RGS17: variants seen among roughly 807,000 people sequenced by gnomAD.
RGS17 encodes regulator of G protein signaling 17, also known as regulator of G-protein signaling 17.
Under a neutral mutation model 25.5 loss-of-function variants are expected in RGS17, and 12 were observed. That is an observed-to-expected ratio of 0.47 (90% confidence interval 0.30 to 0.76). The LOEUF (loss-of-function observed/expected upper bound fraction) is 0.76. RGS17 is among the 30% of genes least tolerant of loss of function. The pLI, the probability that RGS17 is intolerant of heterozygous loss-of-function variation, is 0.07. For missense variants in RGS17, 196 were observed against 242.2 expected, an observed-to-expected ratio of 0.81 and a Z score of 1.27; for synonymous variants, 71 against 76.9, an observed-to-expected ratio of 0.92 and a Z score of 0.40.
intron 1 of RGS17, among the ~76,000 whole-genome samples, chr6:153,067,879 G>A (rs2129116417): frequency 6.6e-6 from 1 of 152,232 alleles, no homozygotes; most frequent in East Asian, 1.9e-4. Context: ...AGAAAAACTG[G>A]AGGAATCACA....
At chr6:153,038,573 T>C (rs1330203045) in intron 2 of RGS17, among the ~76,000 whole-genome samples, 1 of 152,206 alleles carries the variant, frequency 6.6e-6, no homozygotes, top group Non-Finnish European at 1.5e-5. Flanking sequence ...GTGAGATGAA[T>C]CAGCTCTCTG....
At chr6:153,107,807 A>G (rs911646442) in intron 1 of RGS17, among the ~76,000 whole-genome samples, 4 of 152,232 alleles carry the variant, frequency 2.6e-5, no homozygotes, top group Non-Finnish European at 4.4e-5. Flanking sequence ...CTATCATTAC[A>G]TATTTTCCTG....
chr6:153,081,205 C>A (rs1338073), intron 1 of RGS17, among the ~76,000 whole-genome samples: 6,746 of 152,100 alleles, frequency 0.044, 286 homozygotes, highest in Admixed American at 0.13. Flanking sequence ...TTAAAATCTC[C>A]AATTATTATT....
intron 1 of RGS17, among the ~76,000 whole-genome samples, chr6:153,046,304 CAATAA>C (rs71734280): frequency 0.18 from 27,430 of 151,548 alleles, 2,872 homozygotes; most frequent in South Asian, 0.24. Context: ...CTAAAGTTAA[CAATAA>C]TATATAGTTT....
At chr6:153,055,199 C>T (rs1209879405) in intron 1 of RGS17, among the ~76,000 whole-genome samples, 1 of 152,130 alleles carries the variant, frequency 6.6e-6, no homozygotes, top group East Asian at 1.9e-4. Flanking sequence ...ACTTCCTGTG[C>T]ACCACTGCAA....
intron 1 of RGS17, among the ~76,000 whole-genome samples, chr6:153,066,371 TA>T (rs1027139359): frequency 6.6e-6 from 1 of 151,650 alleles, no homozygotes; most frequent in Non-Finnish European, 1.5e-5. Flanking sequence ...AGTCTCCCTG[TA>T]AAAAAAAGCC....
chr6:153,043,944 G>T lies in RGS17; in HGVS notation c.75C>A (p.Asn25Lys). Residue 25 changes from asparagine (N) to lysine (K), a missense_variant, in exon 2 of 5, where the codon AAC (asparagine) becomes AAA (lysine). Asn to Lys is a moderately conservative substitution (Grantham distance 94). Coordinates refer to ENST00000206262, the MANE Select transcript of RGS17 (RefSeq NM_012419.5). ...VSQAPGNQRPNNTCCFCWCCC... is the reference protein window; with the variant it reads ...VSQAPGNQRPKNTCCFCWCCC... ...AGCACCAACAAAAGCAACAGGTGTT[G>T]TTGGGCCTCTGGTTTCCAGGAGCTT... The T allele has an allele frequency of 6.2e-7, 1 of 1,612,738 alleles. No individual in the cohort carries two copies. Among genetic ancestry groups the T allele is most frequent in the Non-Finnish European group, 8.5e-7 (1 of 1,179,498 alleles).
chr6:153,052,571 A>G (rs1354380851), intron 1 of RGS17, among the ~76,000 whole-genome samples: 1 of 151,812 alleles, frequency 6.6e-6, no homozygotes, highest in Non-Finnish European at 1.5e-5. Flanking sequence ...ATAGCTGGAG[A>G]GGAGTTCTGT....
At chr6:153,017,214 C>A (rs1349943973) in intron 4 of RGS17, among the ~76,000 whole-genome samples, 1 of 151,926 alleles carries the variant, frequency 6.6e-6, no homozygotes, top group Non-Finnish European at 1.5e-5. Flanking sequence ...TTTAGCAGTG[C>A]TGAAAAGTCC....
chr6:153,090,378 C>T (rs961473864), intron 1 of RGS17, among the ~76,000 whole-genome samples: 3 of 149,580 alleles, frequency 2.0e-5, no homozygotes, highest in African/African-American at 7.4e-5. Context: ...TTCAGGAGGC[C>T]GAGGCAGTAG....
intron 1 of RGS17, among the ~76,000 whole-genome samples, chr6:153,128,274 A>T (rs939071107): frequency 6.6e-6 from 1 of 152,240 alleles, no homozygotes; most frequent in Admixed American, 6.5e-5. Context: ...ACATAGCATT[A>T]TTCTCAACCT....
chr6:153,030,011 C>T (rs1351878577), intron 2 of RGS17, among the ~76,000 whole-genome samples: 1 of 152,180 alleles, frequency 6.6e-6, no homozygotes. Flanking sequence ...ACAGTGCTCA[C>T]TGTGAGGGTC....
At chr6:153,058,529 C>G (rs6903981) in intron 1 of RGS17, among the ~76,000 whole-genome samples, 2 of 151,760 alleles carry the variant, frequency 1.3e-5, no homozygotes, top group Non-Finnish European at 2.9e-5. Flanking sequence ...TTATAACCGT[C>G]GCTGTCTTGT....
chr6:153,107,891 C>T (rs967408112), intron 1 of RGS17, among the ~76,000 whole-genome samples: 7 of 152,214 alleles, frequency 4.6e-5, no homozygotes, highest in African/African-American at 1.7e-4. Context: ...GATAATTTCT[C>T]ATTTCTTGCT....
chr6:153,054,009 C>T (rs9384072), intron 1 of RGS17, among the ~76,000 whole-genome samples: 8,371 of 38,994 alleles, frequency 0.21, 1,593 homozygotes, highest in African/African-American at 0.52. Context: ...TACATATATA[C>T]GTATATATGT....
At chr6:153,115,369 T>G (rs1285163796) in intron 1 of RGS17, among the ~76,000 whole-genome samples, 2 of 152,126 alleles carry the variant, frequency 1.3e-5, no homozygotes, top group Non-Finnish European at 2.9e-5. Flanking sequence ...GAATACAACT[T>G]ACAAGGGATG....
intron 1 of RGS17, among the ~76,000 whole-genome samples, chr6:153,113,403 C>T (rs1030907608): frequency 6.6e-6 from 1 of 152,080 alleles, no homozygotes; most frequent in Non-Finnish European, 1.5e-5. Flanking sequence ...CATATGCACC[C>T]AATACAGGAG....
At chr6:153,057,728 T>C (rs1200365950) in intron 1 of RGS17, among the ~76,000 whole-genome samples, 2 of 152,174 alleles carry the variant, frequency 1.3e-5, no homozygotes, top group African/African-American at 2.4e-5. Context: ...CAGTGGGAGC[T>C]TTCAGCTTGT....
Position 153,130,612 on chromosome 6 carries a change from T to G in RGS17, c.-26+512A>C, listed in dbSNP as rs558001380. On this transcript the variant is annotated intron_variant, in intron 1 of 4. Transcript: ENST00000206262. This position sits in a 1 kb window ranked among gnomAD's most constrained non-coding sequence, Gnocchi z 6.4. ...GCATTTTCCCAAAGGTAAAGAGAGA[T>G]AAGGGAGGAAACACAGCACCCAAGG... 4.8e-4 allele frequency among the ~76,000 whole-genome samples: 73 copies of G among 152,182 alleles called. 1 individual carries two copies. The South Asian group carries it at 9.5e-3, about 20-fold the overall frequency.
Sources: gnomAD v4.1 joint callset for allele counts (sites outside exome capture counted in the v4.1 genomes callset) on GRCh38, gnomAD v4.1.1 for gene constraint, Gnocchi (gnomAD v3.1) non-coding constraint, MANE v1.5 for transcripts, NCBI Gene and HGNC (gene_info 2026-07-23, HGNC 2026-07-21) for gene names.